R3HDM2: variants seen among roughly 807,000 people sequenced by gnomAD.
R3HDM2 encodes R3H domain-containing protein 2.
R3HDM2 carries 38 observed loss-of-function variants against 124.5 expected under a neutral mutation model. The observed-to-expected ratio is 0.31, with a 90% CI of 0.24 to 0.40. R3HDM2 has a LOEUF of 0.40. Among genes scored for constraint, R3HDM2 ranks in the 10% least tolerant of loss-of-function variants. R3HDM2 has a pLI of 1.00. For synonymous variants in R3HDM2, 391 were observed against 448.0 expected (o/e 0.87, Z 1.61); for missense variants, 869 against 1,236.9 (o/e 0.70, Z 4.46).
Position 57,268,915 on chromosome 12 carries a change from C to G in R3HDM2, c.1875+7G>C. On this transcript the variant is annotated splice_region_variant and intron_variant, in intron 17 of 23. Coordinates refer to ENST00000402412, the MANE Select transcript of R3HDM2 (RefSeq NM_001394031.1). ...GGGTGATCCTTCCCAATGCAGAATG[C>G]ACCCACTTGGTAAGAAGGCAGTGGA... 4 of 1,613,320 alleles carry G rather than the reference C, an allele frequency of 2.5e-6. No individual in the cohort carries two copies. The highest frequency in any genetic ancestry group is 3.4e-6 in the Non-Finnish European group (4 of 1,179,688).
At chr12:57,374,414 G>A (rs1030206550) in intron 2 of R3HDM2, among the ~76,000 whole-genome samples, 25 of 151,910 alleles carry the variant, frequency 1.6e-4, no homozygotes, top group African/African-American at 5.8e-4. Context: ...ACCAGGCCGG[G>A]CGTGGTGGCT....
intron 18 of R3HDM2, among the ~76,000 whole-genome samples, chr12:57,267,554 A>AAAAAG (rs1307083060): frequency 6.6e-6 from 1 of 152,234 alleles, no homozygotes; most frequent in Non-Finnish European, 1.5e-5. Flanking sequence ...ACTCCATCTC[A>AAAAAG]AAAAGAAAAG....
rs1407856644 is a variant in R3HDM2, at chr12:57,268,918, C to T, written c.1875+4G>A. The T allele has an allele frequency of 1.2e-6, 2 of 1,613,494 alleles. No homozygotes were observed. Among genetic ancestry groups the T allele is most frequent in the Non-Finnish European group, 1.7e-6 (2 of 1,179,768 alleles). ...TGATCCTTCCCAATGCAGAATGCAC[C>T]CACTTGGTAAGAAGGCAGTGGAGTG... is the stretch of plus-strand genomic sequence containing the variant. On this transcript the variant is annotated splice_donor_region_variant and intron_variant, in intron 17 of 23. Coordinates refer to ENST00000402412, the MANE Select transcript of R3HDM2 (RefSeq NM_001394031.1).
At chr12:57,256,193 C>A in intron 22 of R3HDM2, 119 bp from the exon 23 acceptor site, 1 of 1,074,416 alleles carries the variant, frequency 9.3e-7, no homozygotes, top group Admixed American at 2.0e-5. Context: ...CCCCACTAGG[C>A]AGTCAGGTTG....
At chr12:57,395,207 A>C (rs1408911160) in intron 2 of R3HDM2, among the ~76,000 whole-genome samples, 1 of 144,096 alleles carries the variant, frequency 6.9e-6, no homozygotes, top group Non-Finnish European at 1.5e-5. Flanking sequence ...CGTTTCAAAA[A>C]AAATTAAAAA....
intron 2 of R3HDM2, among the ~76,000 whole-genome samples, chr12:57,379,531 G>T (rs2064555887): frequency 6.6e-6 from 1 of 151,862 alleles, no homozygotes; most frequent in African/African-American, 2.4e-5. Context: ...GGTGAGCTGA[G>T]ATTGCACCAT....
rs867817019 is a variant in R3HDM2 at position 57,280,414 on chromosome 12, C to A, written c.1288G>T (p.Ala430Ser). 8.7e-6 allele frequency: 14 copies of A among 1,614,046 alleles called. No homozygotes were observed. The Middle Eastern group carries it at 2.1e-3, about 247-fold the overall frequency. The change falls in exon 14 of 24, where the codon GCT becomes TCT. Residue 430 changes from alanine to serine, a missense_variant. By Grantham distance (99) the Ala-to-Ser change is moderately conservative. Transcript: ENST00000402412. ...TGTTGCTGAGGCGTGGGTGGGAGAG[C>A]AGGAAGTTGCTGCTGCTGCTGCTGC... ...QQQQQQQQLP[A>S]LPPTPQQQPP...
At chr12:57,288,819 A>G in intron 12 of R3HDM2, 190 bp downstream of exon 12, 2 of 1,490,040 alleles carry the variant, frequency 1.3e-6, no homozygotes, top group Non-Finnish European at 1.8e-6. Flanking sequence ...AAATAAAATT[A>G]AAAATAAAAA....
intron 12 of R3HDM2, among the ~76,000 whole-genome samples, chr12:57,287,973 A>G (rs2138213101): frequency 6.6e-6 from 1 of 151,448 alleles, no homozygotes; most frequent in East Asian, 1.9e-4. Flanking sequence ...CGTATGAAGG[A>G]CACACTTTAA....
At chr12:57,396,953 C>T (rs2067602511) in intron 1 of R3HDM2, among the ~76,000 whole-genome samples, 1 of 151,750 alleles carries the variant, frequency 6.6e-6, no homozygotes, top group African/African-American at 2.4e-5. Context: ...ATTAGCTGGG[C>T]AAGGTGGCAT....
intron 2 of R3HDM2, among the ~76,000 whole-genome samples, chr12:57,363,682 CATAA>C (rs1295882274): frequency 1.3e-5 from 2 of 152,218 alleles, no homozygotes; most frequent in East Asian, 1.9e-4. Flanking sequence ...CTATGTAACC[CATAA>C]ATATATACAA....
chr12:57,385,300 T>C (rs1471337659), intron 2 of R3HDM2, among the ~76,000 whole-genome samples: 3 of 147,064 alleles, frequency 2.0e-5, no homozygotes, highest in Non-Finnish European at 4.5e-5. Context: ...TGGAGTGCAA[T>C]GGCGCAATCT....
chr12:57,269,894 A>G lies in R3HDM2; in HGVS notation c.1445T>C (p.Ile482Thr). ...GCTAGTCTGCTGAGGGTGCTGGGAG[A>G]TAAGTGGGGTCTGGAATAGAGCTGC... The part of the protein sequence containing the change: ...PSAALFQTPL[I>T]SQHPQQTSFI... The change falls in exon 15 of 24, where the codon ATC becomes ACC. Residue 482 changes from isoleucine to threonine, a missense_variant. Physicochemically the swap from Ile to Thr is moderately conservative, Grantham distance 89 (BLOSUM62 -1). Coordinates refer to ENST00000402412, the MANE Select transcript of R3HDM2 (RefSeq NM_001394031.1). 1.3e-5 allele frequency: 21 copies of G among 1,614,070 alleles called. No homozygotes were observed. The highest frequency in any genetic ancestry group is 1.8e-5 in the Non-Finnish European group (21 of 1,180,012).
At chr12:57,398,483 CCTTT>C (rs1426846605) in intron 1 of R3HDM2, among the ~76,000 whole-genome samples, 1 of 151,756 alleles carries the variant, frequency 6.6e-6, no homozygotes, top group Non-Finnish European at 1.5e-5. Context: ...AATCTCTCTT[CCTTT>C]CTCTCTCTTT....
intron 2 of R3HDM2, 110 bp downstream of exon 2, chr12:57,395,639 A>G: frequency 2.9e-6 from 1 of 347,502 alleles, no homozygotes; most frequent in Non-Finnish European, 4.1e-6. Flanking sequence ...AAATGGGTAC[A>G]ATAACACTTC....
At chr12:57,264,108 G>A (rs1201671777) in intron 19 of R3HDM2, among the ~76,000 whole-genome samples, 1 of 151,794 alleles carries the variant, frequency 6.6e-6, no homozygotes. Context: ...CAGCTGTGGC[G>A]GCATGTGCCT....
In R3HDM2 at chr12:57,274,472, G is replaced by A. The variant is rs770530907; in HGVS notation, c.1345-4478C>T. On this transcript the variant is annotated intron_variant, in intron 14 of 23. Transcript: ENST00000402412. ...AGCCTGGGCAACAGAGCAAGACTCC[G>A]TCTCAAACAAAACAAAACAAAACAA... Among the ~76,000 whole-genome samples, 8 of 151,804 alleles carry A rather than the reference G, an allele frequency of 5.3e-5. No homozygotes were observed. In the East Asian group the frequency reaches 5.8e-4, roughly 11 times the overall value.
At chr12:57,289,440 G>A (rs1481280681) in intron 11 of R3HDM2, among the ~76,000 whole-genome samples, 2 of 152,158 alleles carry the variant, frequency 1.3e-5, no homozygotes, top group African/African-American at 2.4e-5. Flanking sequence ...ACAAGAGAAA[G>A]AAACTTTGTT....
intron 1 of R3HDM2, among the ~76,000 whole-genome samples, chr12:57,398,192 C>G (rs1169376154): frequency 1.4e-5 from 2 of 147,986 alleles, no homozygotes; most frequent in Non-Finnish European, 3.0e-5. Flanking sequence ...GGCAAAAGAG[C>G]GAGACTCTGC....
Sources: gnomAD v4.1 joint callset for allele counts (sites outside exome capture counted in the v4.1 genomes callset) on GRCh38, gnomAD v4.1.1 for gene constraint, MANE v1.5 for transcripts, NCBI Gene and HGNC (gene_info 2026-07-23, HGNC 2026-07-21) for gene names.